The following OAS2 variants were observed in gnomAD, a reference collection of about 807,000 sequenced individuals.
OAS2 encodes the protein 2'-5'-oligoadenylate synthase 2.
A neutral mutation model predicts 71.3 loss-of-function variants in OAS2; 67 were observed. The observed-to-expected ratio is 0.94, with a 90% CI of 0.77 to 1.15. The LOEUF is 1.15. Among genes scored for constraint, OAS2 ranks in the 50% most tolerant of loss-of-function variants. The pLI is 0.00. For synonymous variants in OAS2, 327 were observed against 321.8 expected, an observed-to-expected ratio of 1.02 and a Z score of -0.17; for missense variants, 789 against 822.5, an observed-to-expected ratio of 0.96 and a Z score of 0.50.
intron 2 of OAS2, 30 bp downstream of exon 2, chr12:112,987,338 AG>A: frequency 6.2e-7 from 1 of 1,613,110 alleles, no homozygotes; most frequent in Non-Finnish European, 8.5e-7. Flanking sequence ...AGGAGAGAAA[AG>A]CCAAAGAAGC....
At chr12:113,005,264 G>C (rs1356516573) in intron 7 of OAS2, 42 bp downstream of exon 7, 1 of 1,580,080 alleles carries the variant, frequency 6.3e-7, no homozygotes, top group Admixed American at 1.8e-5. Context: ...ATGGTGGACA[G>C]AAGGTGGAGG....
chr12:113,007,210 G>A (rs1364390737), intron 8 of OAS2, among the ~76,000 whole-genome samples: 1 of 152,176 alleles, frequency 6.6e-6, no homozygotes, highest in Non-Finnish European at 1.5e-5. Context: ...TTCCTGAGAT[G>A]CCTCCTTTCT....
intron 2 of OAS2, chr12:112,987,950 G>A (rs2044155606): frequency 1.0e-6 from 1 of 985,274 alleles, no homozygotes; most frequent in African/African-American, 1.7e-5. Flanking sequence ...AGTAACCTCT[G>A]CTTACCAGGC....
intron 2 of OAS2, among the ~76,000 whole-genome samples, chr12:112,991,745 T>C (rs1304324101): frequency 1.3e-5 from 2 of 152,186 alleles, no homozygotes; most frequent in Non-Finnish European, 2.9e-5. Flanking sequence ...ACTTTTCCCT[T>C]TAACCGAGTG....
At chr12:113,008,718 C>T (rs1593208393) in intron 9 of OAS2, among the ~76,000 whole-genome samples, 1 of 152,126 alleles carries the variant, frequency 6.6e-6, no homozygotes, top group Admixed American at 6.5e-5. Context: ...CTCTGCCTCC[C>T]GGGTTCAAGC....
At chr12:112,997,848 C>T (rs2044249990) in intron 4 of OAS2, 93 bp downstream of exon 4, 1 of 1,064,536 alleles carries the variant, frequency 9.4e-7, no homozygotes, top group Admixed American at 2.8e-5. Context: ...CCCTATCAAG[C>T]CAGTGCTGGA....
At position 112,978,860 on chromosome 12, in the gene OAS2, G is replaced by C. The variant is rs1390417296; in HGVS notation, c.177+75G>C. On this transcript the variant is annotated intron_variant, in intron 1 of 9. Transcript: ENST00000392583. The surrounding 1 kb of genome is among the most constrained non-coding windows in gnomAD (Gnocchi z 4.2). ...CGGCAGCAAGGCCGAGCTACTGGGT[G>C]CTGGGTGCCTATTATGTGCGAGGCC... The C allele has an allele frequency of 7.0e-7, 1 of 1,434,896 alleles. No individual in the cohort carries two copies. Among genetic ancestry groups the C allele is most frequent in the Non-Finnish European group, 9.5e-7 (1 of 1,053,418 alleles). 88.9% of individuals were successfully genotyped at this position (1,434,896 alleles called of 1,614,324 possible).
intron 2 of OAS2, chr12:112,988,022 A>G (rs1422437171): frequency 3.0e-6 from 3 of 985,458 alleles, no homozygotes; most frequent in South Asian, 4.7e-5. Flanking sequence ...TAGGCACTCA[A>G]AAGGAACCTA....
intron 1 of OAS2, among the ~76,000 whole-genome samples, chr12:112,983,521 G>GGCTTTACTT (rs1158453760): frequency 6.6e-6 from 1 of 152,136 alleles, no homozygotes. Context: ...CACTATGCCT[G>GGCTTTACTT]GCTTTTCTTG....
chr12:113,005,943 A>C (rs1408112327), intron 7 of OAS2, among the ~76,000 whole-genome samples: 2 of 148,540 alleles, frequency 1.3e-5, no homozygotes, highest in Non-Finnish European at 3.0e-5. Context: ...AAAAAAAAAA[A>C]AAAAAAAACA....
In OAS2 at chr12:113,006,438, C is replaced by A; in HGVS notation, c.1494C>A (p.Pro498=). The A allele has an allele frequency of 6.4e-7, 1 of 1,574,124 alleles. No homozygotes were observed. Among genetic ancestry groups the A allele is most frequent in the Non-Finnish European group, 8.7e-7 (1 of 1,150,124 alleles). The change falls in exon 8 of 10, where the codon CCC becomes CCA. Residue 498 remains proline (P), a synonymous_variant. Coordinates refer to ENST00000392583, the MANE Select transcript of OAS2 (RefSeq NM_002535.3). ...GTCAGCTGAGTTCTGGCTCCACACC[C>A]AGCCCCGAGGTTTATGCAGGGCTCA... ...ALGQLSSGST[P]SPEVYAGLID...
At position 112,978,599 on chromosome 12, in the gene OAS2, G is replaced by C; in HGVS notation, c.-10G>C. ...CCATTCACTGTCTTGCCGGCAGCCA[G>C]CTGAGAGCAATGGGAAATGGGGAGT... On this transcript the variant is annotated 5_prime_UTR_variant, in exon 1 of 10. Coordinates refer to ENST00000392583, the MANE Select transcript of OAS2 (RefSeq NM_002535.3). This position sits in a 1 kb window ranked among gnomAD's most constrained non-coding sequence, Gnocchi z 4.2. 6.2e-7 allele frequency: 1 copy of C among 1,613,800 alleles called. No individual in the cohort carries two copies. Among genetic ancestry groups the C allele is most frequent in the Non-Finnish European group, 8.5e-7 (1 of 1,179,834 alleles).
At chr12:113,005,576 C>G (rs2136393822) in intron 7 of OAS2, among the ~76,000 whole-genome samples, 1 of 150,680 alleles carries the variant, frequency 6.6e-6, no homozygotes, top group Middle Eastern at 3.5e-3. Context: ...ACAAACAAAA[C>G]AAGCAGTTGG....
At chr12:113,005,284 G>T in intron 7 of OAS2, 62 bp downstream of exon 7, 2 of 1,510,786 alleles carry the variant, frequency 1.3e-6, no homozygotes, top group South Asian at 2.4e-5. Context: ...GGAGAGCCAC[G>T]TGACTTGATT....
chr12:112,998,239 C>G, intron 4 of OAS2, 27 bp from the exon 5 acceptor site: 1 of 1,603,080 alleles, frequency 6.2e-7, no homozygotes, highest in South Asian at 1.1e-5. Flanking sequence ...GCTCAACTGA[C>G]TTTTTTTAAT....
chr12:112,994,527 T>C (rs1469598501), intron 2 of OAS2, among the ~76,000 whole-genome samples: 2 of 151,944 alleles, frequency 1.3e-5, no homozygotes, highest in Non-Finnish European at 2.9e-5. Context: ...GGTCAAGGAG[T>C]TCGCATGCCT....
At chr12:112,981,802 G>A (rs936857716) in intron 1 of OAS2, among the ~76,000 whole-genome samples, 3 of 152,080 alleles carry the variant, frequency 2.0e-5, no homozygotes, top group Non-Finnish European at 2.9e-5. Context: ...ATTGCTTTGG[G>A]TAGTATGGTT....
chr12:112,995,173 T>A, intron 2 of OAS2, 123 bp from the exon 3 acceptor site: 1 of 824,056 alleles, frequency 1.2e-6, no homozygotes, highest in South Asian at 1.8e-5. Context: ...GTACCTGTCC[T>A]CTGACCGATT....
rs143503545 is a variant in OAS2 at position 113,000,025 on chromosome 12, G to A, written c.1008+1615G>A. On this transcript the variant is annotated intron_variant, in intron 5 of 9. Transcript: ENST00000392583. ...CTCCCAAAGCTCTGGGATTACAAGC[G>A]TGAGCCACCTCACCTGGCCCATTGT... Among the ~76,000 whole-genome samples, 905 of 152,208 alleles carry A rather than the reference G, an allele frequency of 5.9e-3. 6 individuals are homozygous for A. Among genetic ancestry groups the A allele is most frequent in the African/African-American group, 0.017 (691 of 41,536 alleles).
Sources: gnomAD v4.1 joint callset for allele counts (sites outside exome capture counted in the v4.1 genomes callset) on GRCh38, gnomAD v4.1.1 for gene constraint, Gnocchi (gnomAD v3.1) non-coding constraint, MANE v1.5 for transcripts, NCBI Gene and HGNC (gene_info 2026-07-23, HGNC 2026-07-21) for gene names.